Variants in EIF4B observed in about 807,000 individuals in gnomAD.
EIF4B encodes the protein eukaryotic translation initiation factor 4B.
A neutral mutation model predicts 79.3 loss-of-function variants in EIF4B; 8 were observed. The observed-to-expected ratio is 0.10, with a 90% CI of 0.06 to 0.18. The LOEUF (loss-of-function observed/expected upper bound fraction) is 0.18. Among genes scored for constraint, EIF4B ranks in the 10% least tolerant of loss-of-function variants. The probability of loss-of-function intolerance (pLI) is 1.00; values close to 1 mark genes in which losing one functional copy is unlikely to be tolerated. For missense variants in EIF4B, 515 were observed against 792.4 expected, an observed-to-expected ratio of 0.65 and a Z score of 4.20; for synonymous variants, 238 against 274.7, an observed-to-expected ratio of 0.87 and a Z score of 1.32.
intron 2 of EIF4B, 113 bp downstream of exon 2, chr12:53,016,723 A>C (rs769573159): frequency 9.8e-5 from 137 of 1,393,460 alleles, no homozygotes; most frequent in Non-Finnish European, 1.1e-4. Context: ...ATTTTTTAGC[A>C]CCTGAAATCT....
intron 13 of EIF4B, 86 bp from the exon 14 acceptor site, chr12:53,039,544 C>T (rs570744457): frequency 6.7e-7 from 1 of 1,488,252 alleles, no homozygotes; most frequent in African/African-American, 1.4e-5. Context: ...GGTGCCTGTT[C>T]AGTGCCTTGA....
At chr12:53,032,771 A>C (rs1943469449) in intron 8 of EIF4B, among the ~76,000 whole-genome samples, 2 of 150,850 alleles carry the variant, frequency 1.3e-5, no homozygotes, top group Non-Finnish European at 2.9e-5. Context: ...CGGTGGGTTC[A>C]AGCGATTCTC....
At chr12:53,036,602 T>TG (rs1273492639) in intron 10 of EIF4B, among the ~76,000 whole-genome samples, 5 of 151,822 alleles carry the variant, frequency 3.3e-5, no homozygotes, top group Admixed American at 6.6e-5. Context: ...TTTTTAGAGA[T>TG]GGGGTCTCAC....
At chr12:53,034,756 A>G (rs373732484) in intron 10 of EIF4B, 47 bp downstream of exon 10, 112 of 1,599,592 alleles carry the variant, frequency 7.0e-5, no homozygotes, top group Middle Eastern at 1.7e-4. Context: ...TTTTCCATAA[A>G]CTATCCATAA....
intron 1 of EIF4B, 118 bp downstream of exon 1, chr12:53,006,614 C>G: frequency 6.4e-7 from 1 of 1,560,824 alleles, no homozygotes; most frequent in Non-Finnish European, 8.7e-7. Flanking sequence ...GAATTGAGGG[C>G]TGCGGCAGGC....
intron 8 of EIF4B, among the ~76,000 whole-genome samples, chr12:53,032,614 G>A (rs777444334): frequency 2.1e-4 from 32 of 151,032 alleles, no homozygotes; most frequent in Non-Finnish European, 4.3e-4. Flanking sequence ...TCTTTCCTGT[G>A]GTCTTGTACT....
At chr12:53,025,901 A>AT (rs1943325819) in intron 6 of EIF4B, among the ~76,000 whole-genome samples, 1 of 152,010 alleles carries the variant, frequency 6.6e-6, no homozygotes, top group African/African-American at 2.4e-5. Flanking sequence ...AGGTCAGGAG[A>AT]TTGAGACCAT....
Position 53,015,718 on chromosome 12 carries a change from C to T in EIF4B, c.14-755C>T, listed in dbSNP as rs142062703. Among the ~76,000 whole-genome samples, 210 of 148,276 alleles carry T rather than the reference C, an allele frequency of 1.4e-3. 1 individual carries two copies. Among genetic ancestry groups the T allele is most frequent in the African/African-American group, 4.7e-3 (189 of 40,176 alleles). On this transcript the variant is annotated intron_variant, in intron 1 of 14. Transcript: ENST00000262056. ...TGGGGCCGGGTGTGGCGGTTCACAC[C>T]GTAATCCCAGCACTTTCGGAGGCCG...
At chr12:53,033,236 C>A (rs918952894) in intron 8 of EIF4B, among the ~76,000 whole-genome samples, 1 of 151,750 alleles carries the variant, frequency 6.6e-6, no homozygotes, top group African/African-American at 2.4e-5. Flanking sequence ...TTGTGTTGGT[C>A]TCGAACTCCC....
intron 6 of EIF4B, among the ~76,000 whole-genome samples, chr12:53,024,479 CTGTTT>C (rs1454024169): frequency 6.6e-6 from 1 of 152,122 alleles, no homozygotes; most frequent in Non-Finnish European, 1.5e-5. Context: ...AGGGAAAATT[CTGTTT>C]TTAGTCTGTA....
At chr12:53,021,460 T>A (rs1288268530) in intron 4 of EIF4B, among the ~76,000 whole-genome samples, 1 of 152,246 alleles carries the variant, frequency 6.6e-6, no homozygotes, top group Non-Finnish European at 1.5e-5. Context: ...ATAATTGTTG[T>A]GGCACCAAAT....
At chr12:53,029,524 C>T (rs1943398692) in intron 8 of EIF4B, among the ~76,000 whole-genome samples, 1 of 151,948 alleles carries the variant, frequency 6.6e-6, no homozygotes, top group African/African-American at 2.4e-5. Flanking sequence ...TACAGGTGCA[C>T]GCCACCATGC....
intron 4 of EIF4B, 72 bp from the exon 5 acceptor site, chr12:53,021,734 A>T (rs1207733032): frequency 4.5e-6 from 7 of 1,558,764 alleles, no homozygotes; most frequent in Non-Finnish European, 6.2e-6. Flanking sequence ...CTATGCCCAG[A>T]CGTTCAAGGT....
chr12:53,040,931 G>C lies in EIF4B; in HGVS notation c.*708G>C, dbSNP rs1420424682. ...GAAGTGATGAGTCATTTTGCACCAG[G>C]TAATAGGGGAAAATTGTGTGACCTC... On this transcript the variant is annotated 3_prime_UTR_variant, in exon 15 of 15. Coordinates refer to ENST00000262056, the MANE Select transcript of EIF4B (RefSeq NM_001417.7). The C allele has an allele frequency of 6.6e-6, 1 of 152,146 alleles. No individual in the cohort carries two copies. The highest frequency in any genetic ancestry group is 1.9e-4 in the East Asian group (1 of 5,192). The allele number at this position is 152,146 out of a possible 1,614,324, so 9.4% of individuals were successfully genotyped here. A position where few individuals can be genotyped will look rare whatever the true frequency, so the allele number is the denominator to read the frequency against.
intron 5 of EIF4B, 40 bp from the exon 6 acceptor site, chr12:53,022,453 T>C (rs1943261416): frequency 6.2e-7 from 1 of 1,604,810 alleles, no homozygotes; most frequent in South Asian, 1.1e-5. Context: ...GCAAAGTTTT[T>C]ATGAGATAAC....
intron 6 of EIF4B, among the ~76,000 whole-genome samples, chr12:53,026,409 T>G (rs1943335252): frequency 6.6e-6 from 1 of 152,200 alleles, no homozygotes; most frequent in South Asian, 2.1e-4. Flanking sequence ...AATGCACATG[T>G]GTGTGTAAAA....
At chr12:53,028,374 G>A (rs1007160861) in intron 8 of EIF4B, among the ~76,000 whole-genome samples, 186 bp downstream of exon 8, 4 of 152,006 alleles carry the variant, frequency 2.6e-5, no homozygotes, top group Non-Finnish European at 5.9e-5. Flanking sequence ...TCAGGAGATC[G>A]AGACCATCCT....
chr12:53,008,971 A>AT (rs1318161826), intron 1 of EIF4B, among the ~76,000 whole-genome samples: 22 of 152,168 alleles, frequency 1.4e-4, no homozygotes, highest in African/African-American at 5.3e-4. Context: ...GGAGGGGGAG[A>AT]TTGCAGTGAA....
At position 53,034,178 on chromosome 12, in the gene EIF4B, G is replaced by T. The variant is rs553150731; in HGVS notation, c.1208+144G>T. 1.2e-4 allele frequency: 90 copies of T among 767,918 alleles called. 1 individual carries two copies. In the Admixed American group the frequency reaches 1.4e-3, roughly 12 times the overall value. The allele number at this position is 767,918 out of a possible 1,614,324, so 47.6% of individuals were successfully genotyped here. On this transcript the variant is annotated intron_variant, in intron 9 of 14. Transcript: ENST00000262056. ...GGCATTTAGTGGGCTGTGGCCAGGG[G>T]TGTTAGGCAGTATGCAGTGTTAGGG...
Sources: allele counts gnomAD v4.1 joint callset (sites outside exome capture counted in the v4.1 genomes callset), GRCh38; gene constraint gnomAD v4.1.1; transcripts MANE v1.5; gene names NCBI Gene and HGNC (gene_info 2026-07-23, HGNC 2026-07-21).